The following LNX2 variants were observed in gnomAD, a reference collection of about 807,000 sequenced individuals.
LNX2 encodes ligand of Numb protein X 2.
A neutral mutation model predicts 66.2 loss-of-function variants in LNX2; 35 were observed. The ratio of observed to expected loss-of-function variants is 0.53; its 90% CI spans 0.40 to 0.70. The LOEUF (loss-of-function observed/expected upper bound fraction) is 0.70. Ranked by LOEUF, LNX2 falls within the 30% of genes least tolerant of loss-of-function variation. The pLI, the probability that LNX2 is intolerant of heterozygous loss-of-function variation, is 0.00. For synonymous variants in LNX2, 337 were observed against 315.6 expected, an observed-to-expected ratio of 1.07 and a Z score of -0.72; for missense variants, 791 against 850.8, an observed-to-expected ratio of 0.93 and a Z score of 0.87.
At chr13:27,555,782 C>A (rs9581885) in intron 7 of LNX2, among the ~76,000 whole-genome samples, 1 of 152,068 alleles carries the variant, frequency 6.6e-6, no homozygotes, top group African/African-American at 2.4e-5. Context: ...CTAGCTGCAA[C>A]CCCCATCTAT....
intron 1 of LNX2, among the ~76,000 whole-genome samples, chr13:27,590,268 C>T (rs57100189): frequency 0.48 from 73,082 of 151,452 alleles, 18,832 homozygotes; most frequent in African/African-American, 0.68. Flanking sequence ...TGAGTCTCAC[C>T]CTGTTGCCCA....
intron 1 of LNX2, among the ~76,000 whole-genome samples, chr13:27,587,652 CCTTA>C (rs1955502447): frequency 6.6e-6 from 1 of 152,182 alleles, no homozygotes; most frequent in Non-Finnish European, 1.5e-5. Context: ...AAAAAAGTTT[CCTTA>C]CTTGGTATCA....
chr13:27,565,670 G>T (rs1269367158), intron 4 of LNX2, among the ~76,000 whole-genome samples: 1 of 152,190 alleles, frequency 6.6e-6, no homozygotes. Context: ...GATTAGTTAT[G>T]TTCCTGTATT....
rs1566124843 is a variant in LNX2, at chr13:27,583,247, T to TGCGCGC, written c.-100-1445_-100-1444insGCGCGC. 2.3e-4 allele frequency among the ~76,000 whole-genome samples: 10 copies of TGCGCGC among 44,294 alleles called. 1 individual carries two copies. The highest frequency in any genetic ancestry group is 1.4e-3 in the East Asian group (2 of 1,388). 29.1% of individuals were successfully genotyped at this position (44,294 alleles called of 152,430 possible). A position where few individuals can be genotyped will look rare whatever the true frequency, so the allele number is the denominator to read the frequency against. On this transcript the variant is annotated intron_variant, in intron 1 of 9. Transcript: ENST00000316334. ...GTGTGTGTGTGTGTGTGTGTGTGTG[T>TGCGCGC]GTGTGTGTGCGCGCGTCCTCTCCAA...
At chr13:27,600,903 G>C (rs952875671) in intron 1 of LNX2, among the ~76,000 whole-genome samples, 1 of 152,180 alleles carries the variant, frequency 6.6e-6, no homozygotes, top group Admixed American at 6.6e-5. Flanking sequence ...AAGGCATCAA[G>C]TCAACTTCCC....
intron 7 of LNX2, 104 bp downstream of exon 7, chr13:27,556,132 A>G: frequency 8.6e-7 from 1 of 1,156,288 alleles, no homozygotes; most frequent in East Asian, 2.6e-5. Flanking sequence ...AAGAACTTAA[A>G]AAAGTCATGT....
chr13:27,588,708 A>C (rs1211004658), intron 1 of LNX2, among the ~76,000 whole-genome samples: 1 of 152,218 alleles, frequency 6.6e-6, no homozygotes, highest in African/African-American at 2.4e-5. Flanking sequence ...TTATCACAAA[A>C]TAAAAAGTTT....
chr13:27,552,962 A>T (rs181176541), intron 8 of LNX2, among the ~76,000 whole-genome samples: 1 of 152,316 alleles, frequency 6.6e-6, no homozygotes, highest in Admixed American at 6.5e-5. Flanking sequence ...GGGTTATCCA[A>T]TCTCATGGCT....
chr13:27,566,667 A>G (rs1308773762), intron 4 of LNX2, among the ~76,000 whole-genome samples: 1 of 152,126 alleles, frequency 6.6e-6, no homozygotes, highest in Non-Finnish European at 1.5e-5. Context: ...TAAATTAGAT[A>G]TGAAGAAGAG....
chr13:27,551,424 A>G (rs1350217034), intron 8 of LNX2, among the ~76,000 whole-genome samples: 2 of 152,230 alleles, frequency 1.3e-5, no homozygotes. Flanking sequence ...TTATGTTTCC[A>G]TAGCTCTATG....
chr13:27,548,780 A>T (rs1954972930), intron 9 of LNX2, among the ~76,000 whole-genome samples: 1 of 152,128 alleles, frequency 6.6e-6, no homozygotes, highest in Non-Finnish European at 1.5e-5. Context: ...ATACCAAGTC[A>T]TGCATTTGAA....
At chr13:27,587,632 G>A (rs1955502163) in intron 1 of LNX2, among the ~76,000 whole-genome samples, 1 of 152,252 alleles carries the variant, frequency 6.6e-6, no homozygotes, top group South Asian at 2.1e-4. Context: ...AATCTACAAA[G>A]GGGTAAGGGA....
chr13:27,614,846 T>C (rs548520180), intron 1 of LNX2, among the ~76,000 whole-genome samples: 6 of 152,188 alleles, frequency 3.9e-5, no homozygotes, highest in African/African-American at 1.2e-4. Context: ...GTATAAATAT[T>C]TCCCAGACTT....
intron 4 of LNX2, 81 bp from the exon 5 acceptor site, chr13:27,562,862 A>C (rs1955154614): frequency 1.4e-6 from 2 of 1,418,980 alleles, no homozygotes; most frequent in African/African-American, 1.4e-5. Flanking sequence ...ACATTTCCAC[A>C]GGAAACTAAG....
chr13:27,577,989 T>C (rs1029224432), intron 2 of LNX2, among the ~76,000 whole-genome samples: 12 of 152,216 alleles, frequency 7.9e-5, no homozygotes, highest in African/African-American at 1.4e-4. Context: ...TGTTCAAAGA[T>C]AGAGACTGTC....
At chr13:27,576,514 G>A (rs1346084020) in intron 2 of LNX2, among the ~76,000 whole-genome samples, 1 of 151,194 alleles carries the variant, frequency 6.6e-6, no homozygotes, top group Non-Finnish European at 1.5e-5. Flanking sequence ...TCAGGAGTTT[G>A]AGACAAGCCT....
intron 6 of LNX2, among the ~76,000 whole-genome samples, chr13:27,557,460 C>A (rs1201902553): frequency 1.3e-5 from 2 of 151,974 alleles, no homozygotes; most frequent in African/African-American, 4.8e-5. Context: ...TGTATATATG[C>A]ACCTACACAA....
At chr13:27,577,486 G>A (rs746574689) in intron 2 of LNX2, among the ~76,000 whole-genome samples, 1 of 151,966 alleles carries the variant, frequency 6.6e-6, no homozygotes, top group Admixed American at 6.5e-5. Flanking sequence ...GGCCACACGG[G>A]AAGAAGAATA....
At chr13:27,612,791 T>C (rs1345035440) in intron 1 of LNX2, among the ~76,000 whole-genome samples, 1 of 152,184 alleles carries the variant, frequency 6.6e-6, no homozygotes, top group African/African-American at 2.4e-5. Context: ...GGTTTCGCCA[T>C]GTTGCCCAGG....
Sources: allele counts gnomAD v4.1 joint callset (sites outside exome capture counted in the v4.1 genomes callset), GRCh38; gene constraint gnomAD v4.1.1; transcripts MANE v1.5; gene names NCBI Gene and HGNC (gene_info 2026-07-23, HGNC 2026-07-21).